The following ZRANB3 variants were observed in gnomAD, a reference collection of about 807,000 sequenced individuals.
ZRANB3 encodes the protein zinc finger RANBP2-type containing 3, also known as DNA annealing helicase and endonuclease ZRANB3.
ZRANB3 carries 125 observed loss-of-function variants against 133.8 expected under a neutral mutation model. The observed-to-expected ratio is 0.93, with a 90% CI of 0.81 to 1.08. ZRANB3 has a LOEUF of 1.08. Ranked by LOEUF, ZRANB3 falls within the 50% of genes least tolerant of loss-of-function variation. The pLI, the probability that ZRANB3 is intolerant of heterozygous loss-of-function variation, is 0.00. For missense variants in ZRANB3, 1,229 were observed against 1,275.5 expected (o/e 0.96, Z 0.56); for synonymous variants, 387 against 432.7 (o/e 0.89, Z 1.31).
chr2:135,293,792 G>C (rs942786717), intron 8 of ZRANB3, among the ~76,000 whole-genome samples: 4 of 150,590 alleles, frequency 2.7e-5, no homozygotes, highest in Non-Finnish European at 5.9e-5. Context: ...TTTATTGAGA[G>C]TGTTTAGCAT....
chr2:135,249,330 G>A (rs1458712159), intron 12 of ZRANB3, among the ~76,000 whole-genome samples: 1 of 152,208 alleles, frequency 6.6e-6, no homozygotes, highest in Non-Finnish European at 1.5e-5. Context: ...CAATAGCAAA[G>A]ACATGGAATC....
At chr2:135,249,041 A>G (rs1679225787) in intron 12 of ZRANB3, among the ~76,000 whole-genome samples, 1 of 152,230 alleles carries the variant, frequency 6.6e-6, no homozygotes. Context: ...AATCAAAACC[A>G]CAGTGAGATA....
chr2:135,264,199 G>A (rs535758075), intron 12 of ZRANB3, among the ~76,000 whole-genome samples: 1 of 151,598 alleles, frequency 6.6e-6, no homozygotes, highest in Non-Finnish European at 1.5e-5. Context: ...CAGGCCGGGC[G>A]CGGTGGCTCA....
chr2:135,498,235 T>C (rs961127600), intron 2 of ZRANB3, among the ~76,000 whole-genome samples: 3 of 152,194 alleles, frequency 2.0e-5, no homozygotes, highest in African/African-American at 7.2e-5. Flanking sequence ...TGTAGTATGT[T>C]GCGGGAAGTC....
At chr2:135,321,419 T>A (rs1683520809) in intron 6 of ZRANB3, among the ~76,000 whole-genome samples, 1 of 152,152 alleles carries the variant, frequency 6.6e-6, no homozygotes, top group South Asian at 2.1e-4. Context: ...AGCGCCTTTC[T>A]AAATCTTTTA....
chr2:135,364,766 T>C (rs949186283), intron 3 of ZRANB3, among the ~76,000 whole-genome samples: 3 of 150,830 alleles, frequency 2.0e-5, no homozygotes, highest in Non-Finnish European at 4.4e-5. Flanking sequence ...AAAAAATAAA[T>C]AAGGCCAGGC....
chr2:135,200,097 A>T lies in ZRANB3; in HGVS notation c.*245T>A, dbSNP rs777872976. 6.0e-5 allele frequency: 34 copies of T among 565,552 alleles called. No homozygotes were observed. The highest frequency in any genetic ancestry group is 1.1e-4 in the Non-Finnish European group (34 of 313,940). 35.0% of individuals were successfully genotyped at this position (565,552 alleles called of 1,614,324 possible). A position where few individuals can be genotyped will look rare whatever the true frequency, so the allele number is the denominator to read the frequency against. On this transcript the variant is annotated 3_prime_UTR_variant, in exon 21 of 21. Transcript: ENST00000264159. ...TAAAGAGCTTTACAAAACATTGCTG[A>T]AACATAATTGCGAGTCTGAATCAAA...
intron 2 of ZRANB3, among the ~76,000 whole-genome samples, chr2:135,476,831 G>A (rs1691521430): frequency 1.3e-5 from 2 of 151,554 alleles, no homozygotes; most frequent in Admixed American, 1.3e-4. Flanking sequence ...AACCTCTCAA[G>A]TAGGTTGGGA....
intron 2 of ZRANB3, among the ~76,000 whole-genome samples, chr2:135,405,121 G>A (rs914671956): frequency 2.6e-5 from 4 of 151,960 alleles, no homozygotes; most frequent in Admixed American, 2.0e-4. Context: ...AGGGATGGAG[G>A]AAGATCTACC....
chr2:135,215,621 C>T (rs1039345860), intron 17 of ZRANB3, among the ~76,000 whole-genome samples: 1 of 152,174 alleles, frequency 6.6e-6, no homozygotes, highest in Non-Finnish European at 1.5e-5. Flanking sequence ...GACATAGTCT[C>T]AGCCCATATC....
At chr2:135,333,493 G>C (rs569720938) in intron 6 of ZRANB3, among the ~76,000 whole-genome samples, 1 of 152,126 alleles carries the variant, frequency 6.6e-6, no homozygotes, top group Non-Finnish European at 1.5e-5. Flanking sequence ...GGAGAACTTA[G>C]GTAAAAGGGA....
intron 6 of ZRANB3, among the ~76,000 whole-genome samples, chr2:135,333,117 C>G (rs1285949543): frequency 1.3e-5 from 2 of 152,144 alleles, no homozygotes; most frequent in Non-Finnish European, 2.9e-5. Flanking sequence ...TGTTAACAAT[C>G]CTACCACACT....
chr2:135,236,862 T>G (rs1695309555), intron 12 of ZRANB3, among the ~76,000 whole-genome samples: 1 of 152,172 alleles, frequency 6.6e-6, no homozygotes, highest in South Asian at 2.1e-4. Context: ...GGCAATACCA[T>G]TCAGGACACA....
At chr2:135,342,695 T>C (rs1259330986) in intron 6 of ZRANB3, among the ~76,000 whole-genome samples, 1 of 149,472 alleles carries the variant, frequency 6.7e-6, no homozygotes, top group African/African-American at 2.6e-5. Context: ...AATTGAATTA[T>C]CAGTTCTCCA....
chr2:135,489,438 C>T (rs945869437), intron 2 of ZRANB3, among the ~76,000 whole-genome samples: 50 of 150,864 alleles, frequency 3.3e-4, no homozygotes, highest in African/African-American at 1.2e-3. Context: ...TGCACATGTA[C>T]CCTAAAACTT....
intron 1 of ZRANB3, chr2:135,511,178 G>C: frequency 1.3e-6 from 1 of 789,296 alleles, no homozygotes; most frequent in Non-Finnish European, 2.3e-6. Flanking sequence ...GGTTGTTACT[G>C]GTCACAGATG....
chr2:135,376,006 A>T (rs1164035578), intron 3 of ZRANB3, among the ~76,000 whole-genome samples: 3 of 152,216 alleles, frequency 2.0e-5, no homozygotes, highest in Admixed American at 2.0e-4. Flanking sequence ...AATAGCTAAA[A>T]TGAGGTCATA....
rs1272931500 is a variant in ZRANB3, at chr2:135,207,726, T to C, written c.2717A>G (p.Asn906Ser). The C allele has an allele frequency of 2.5e-6, 4 of 1,614,030 alleles. No individual in the cohort carries two copies. Among genetic ancestry groups the C allele is most frequent in the African/African-American group, 1.3e-5 (1 of 75,054 alleles). ...TSKGYLQAVD[N>S]EGNPLCLRCQ... ...GCGAAGGCAAAGTGGATTTCCTTCA[T>C]TATCCACAGCTTGCAAATAGCCTTT... Residue 906 changes from asparagine (N) to serine (S), a missense_variant, in exon 19 of 21, where the codon AAT (asparagine) becomes AGT (serine). Coordinates refer to ENST00000264159, the MANE Select transcript of ZRANB3 (RefSeq NM_032143.4).
At chr2:135,217,711 C>A in intron 16 of ZRANB3, 104 bp from the exon 17 acceptor site, 1 of 1,369,834 alleles carries the variant, frequency 7.3e-7, no homozygotes, top group Non-Finnish European at 9.7e-7. Context: ...TTGTTATGTC[C>A]CCCAAATAGG....
Sources: allele counts gnomAD v4.1 joint callset (sites outside exome capture counted in the v4.1 genomes callset), GRCh38; gene constraint gnomAD v4.1.1; transcripts MANE v1.5; gene names NCBI Gene and HGNC (gene_info 2026-07-23, HGNC 2026-07-21).